ARHGEF28: variants seen among roughly 807,000 people sequenced by gnomAD.
ARHGEF28 encodes Rho guanine nucleotide exchange factor 28, also known as 190 kDa guanine nucleotide exchange factor.
In ARHGEF28, 152 loss-of-function variants were observed where a neutral mutation model predicts 206.6. That is an observed-to-expected ratio of 0.74 (90% CI 0.64 to 0.84). The LOEUF is 0.84. Ranked by LOEUF, ARHGEF28 falls within the 40% of genes least tolerant of loss-of-function variation. The pLI is 0.00. For synonymous variants in ARHGEF28, 763 were observed against 776.4 expected (o/e 0.98, Z 0.29); for missense variants, 2,028 against 2,073.2 (o/e 0.98, Z 0.42).
intron 4 of ARHGEF28, among the ~76,000 whole-genome samples, chr5:73,761,334 A>C (rs1431154656): frequency 2.6e-5 from 4 of 152,180 alleles, no homozygotes; most frequent in Non-Finnish European, 5.9e-5. Flanking sequence ...TCCTTGTACT[A>C]TTTTATCTAC....
chr5:73,806,760 C>T lies in ARHGEF28; in HGVS notation c.1024+11369C>T, dbSNP rs183979418. On this transcript the variant is annotated intron_variant, in intron 9 of 35. Transcript: ENST00000513042. ...TATATGTACCATATATACGATATAT[C>T]GTATACATCTATATGTGCCATATAT... is the stretch of plus-strand genomic sequence containing the variant. Among the ~76,000 whole-genome samples, 629 of 127,306 alleles carry T rather than the reference C, an allele frequency of 4.9e-3. 57 individuals carry two copies. Among genetic ancestry groups the T allele is most frequent in the African/African-American group, 0.017 (576 of 33,456 alleles). 83.5% of individuals were successfully genotyped at this position (127,306 alleles called of 152,430 possible). A position where few individuals can be genotyped will look rare whatever the true frequency, so the allele number is the denominator to read the frequency against.
At chr5:73,933,127 A>G (rs1047860984) in intron 35 of ARHGEF28, among the ~76,000 whole-genome samples, 2 of 149,452 alleles carry the variant, frequency 1.3e-5, no homozygotes, top group African/African-American at 4.9e-5. Flanking sequence ...TATTTCTTAC[A>G]TATTACTTTT....
chr5:73,660,877 C>G (rs1305223322), intron 1 of ARHGEF28, among the ~76,000 whole-genome samples: 1 of 152,100 alleles, frequency 6.6e-6, no homozygotes. Flanking sequence ...GTTTATAGAG[C>G]ACAAGCAGAG....
At chr5:73,778,447 A>G (rs568123657) in intron 6 of ARHGEF28, among the ~76,000 whole-genome samples, 2 of 152,324 alleles carry the variant, frequency 1.3e-5, no homozygotes, top group East Asian at 3.9e-4. Flanking sequence ...TTATAATCAC[A>G]AAGGCCAAAT....
chr5:73,875,293 G>A (rs200283954), intron 22 of ARHGEF28, among the ~76,000 whole-genome samples: 1 of 150,540 alleles, frequency 6.6e-6, no homozygotes. Context: ...AAATTTGTTT[G>A]AGTTCATTGT....
chr5:73,829,397 T>C (rs925195661), intron 9 of ARHGEF28, among the ~76,000 whole-genome samples: 2 of 152,124 alleles, frequency 1.3e-5, no homozygotes, highest in African/African-American at 4.8e-5. Context: ...CTTCTTTTTT[T>C]TGAGATGGAA....
At chr5:73,852,755 C>G (rs1361518288) in intron 14 of ARHGEF28, 63 bp downstream of exon 14, 5 of 1,542,656 alleles carry the variant, frequency 3.2e-6, no homozygotes, top group Admixed American at 3.3e-5. Flanking sequence ...AATGTCCACA[C>G]ATCATTTTTG....
rs747410588 is a variant in ARHGEF28, at chr5:73,753,059, C to T, written c.332C>T (p.Thr111Ile). The T allele has an allele frequency of 1.1e-5, 18 of 1,610,518 alleles. No individual in the cohort carries two copies. The highest frequency in any genetic ancestry group is 1.5e-5 in the Non-Finnish European group (18 of 1,178,398). ...RLLVTQANRL[T>I]ACSHQTLLTP... ...CTGGTGACGCAGGCCAATCGCCTCA[C>T]AGCCTGCAGCCACCAGACCCTGCTG... The change falls in exon 4 of 36, where the codon ACA becomes ATA. Residue 111 changes from threonine (T) to isoleucine (I), a missense_variant. By Grantham distance (89) the Thr-to-Ile change is moderately conservative. Around this residue, in one of 3 missense-constraint regions of ARHGEF28, gnomAD observed 1,002 missense variants for 1,015.3 expected, o/e 0.99. Transcript: ENST00000513042.
In ARHGEF28 at chr5:73,870,206, T is replaced by C; in HGVS notation, c.2563T>C (p.Phe855Leu). The change falls in exon 21 of 36, where the codon TTT becomes CTT. Residue 855 changes from phenylalanine to leucine, a missense_variant. Physicochemically the swap from Phe to Leu is conservative, Grantham distance 22. Coordinates refer to ENST00000513042, the MANE Select transcript of ARHGEF28 (RefSeq NM_001177693.2). ...KDVIKRQDVI[F>L]ELMQTEMHHI... ...TGTCATCAAAAGACAGGATGTCATT[T>C]TTGGTAAGCGTTTCAAATATGCTCT... 2 of 1,613,224 alleles carry C rather than the reference T, an allele frequency of 1.2e-6. No homozygotes were observed. The highest frequency in any genetic ancestry group is 2.2e-5 in the South Asian group (2 of 90,942).
chr5:73,878,714 G>T (rs1760701918), intron 22 of ARHGEF28, among the ~76,000 whole-genome samples: 1 of 151,032 alleles, frequency 6.6e-6, no homozygotes. Flanking sequence ...GAAATTCTAG[G>T]TTGAAAATTC....
intron 10 of ARHGEF28, among the ~76,000 whole-genome samples, chr5:73,835,480 A>C (rs1050824545): frequency 5.9e-5 from 9 of 151,756 alleles, no homozygotes; most frequent in African/African-American, 1.9e-4. Flanking sequence ...AAAAAAAAAA[A>C]AAAACCCAAA....
intron 4 of ARHGEF28, among the ~76,000 whole-genome samples, chr5:73,763,901 G>C (rs1397281726): frequency 2.0e-5 from 3 of 152,194 alleles, no homozygotes; most frequent in Admixed American, 6.5e-5. Flanking sequence ...CAGGCAGCTA[G>C]TTCCTTACAA....
At chr5:73,823,661 A>G (rs956060816) in intron 9 of ARHGEF28, among the ~76,000 whole-genome samples, 7 of 152,250 alleles carry the variant, frequency 4.6e-5, no homozygotes, top group African/African-American at 1.7e-4. Flanking sequence ...GAAGTGGGCG[A>G]ACATACCTAG....
chr5:73,773,701 T>C (rs1347259302), intron 4 of ARHGEF28, among the ~76,000 whole-genome samples, 154 bp from the exon 5 acceptor site: 1 of 152,194 alleles, frequency 6.6e-6, no homozygotes. Context: ...CTCTCCAAAT[T>C]TGTAAAATGA....
intron 2 of ARHGEF28, among the ~76,000 whole-genome samples, chr5:73,696,655 T>G (rs1340784113): frequency 1.3e-5 from 2 of 152,236 alleles, no homozygotes; most frequent in African/African-American, 2.4e-5. Context: ...TTTTATAATT[T>G]TATTCCTTTT....
chr5:73,638,599 C>T (rs900184029), intron 1 of ARHGEF28, among the ~76,000 whole-genome samples: 14 of 152,080 alleles, frequency 9.2e-5, no homozygotes, highest in African/African-American at 2.7e-4. Context: ...GCCTTTGTGA[C>T]GTTAAAGAAT....
chr5:73,920,545 G>GTTTTTTTT (rs756699052), intron 35 of ARHGEF28, among the ~76,000 whole-genome samples: 6 of 110,536 alleles, frequency 5.4e-5, no homozygotes, highest in Non-Finnish European at 7.2e-5. Context: ...CGTCATCTAG[G>GTTTTTTTT]TTTTTTTTTT....
intron 1 of ARHGEF28, among the ~76,000 whole-genome samples, chr5:73,637,556 G>T (rs1743804190): frequency 6.6e-6 from 1 of 152,164 alleles, no homozygotes; most frequent in Non-Finnish European, 1.5e-5. Flanking sequence ...TTGGACAATG[G>T]ATTTATTCTA....
chr5:73,927,941 G>T (rs1473240594), intron 35 of ARHGEF28, among the ~76,000 whole-genome samples: 2 of 151,986 alleles, frequency 1.3e-5, no homozygotes, highest in Admixed American at 1.3e-4. Flanking sequence ...GCTGTGGTTC[G>T]GAAAGATGTT....
Sources: allele counts gnomAD v4.1 joint callset (sites outside exome capture counted in the v4.1 genomes callset), GRCh38; gene constraint gnomAD v4.1.1; regional missense constraint gnomAD v4.1.1; transcripts MANE v1.5; gene names NCBI Gene and HGNC (gene_info 2026-07-23, HGNC 2026-07-21).